Variants in CACNG2 observed in about 807,000 individuals in gnomAD.
CACNG2 encodes calcium voltage-gated channel auxiliary subunit gamma 2.
Under a neutral mutation model 25.9 loss-of-function variants are expected in CACNG2, and 3 were observed. The ratio of observed to expected loss-of-function variants is 0.12; its 90% confidence interval spans 0.05 to 0.30. The LOEUF (loss-of-function observed/expected upper bound fraction) is 0.30. CACNG2 is among the 10% of genes least tolerant of loss of function. The pLI is 1.00. For synonymous variants in CACNG2, 167 were observed against 173.3 expected (o/e 0.96, Z 0.29); for missense variants, 341 against 432.5 (o/e 0.79, Z 1.88).
chr22:36,654,308 C>A (rs1469922316), intron 1 of CACNG2, among the ~76,000 whole-genome samples: 1 of 152,022 alleles, frequency 6.6e-6, no homozygotes, highest in Non-Finnish European at 1.5e-5. Flanking sequence ...CACTCTCACC[C>A]CGGCTGGAGT....
Position 36,570,487 on chromosome 22 carries a change from C to T in CACNG2, c.296-3994G>A, listed in dbSNP as rs1045193386. 2.6e-5 allele frequency among the ~76,000 whole-genome samples: 4 copies of T among 152,256 alleles called. No homozygotes were observed. The East Asian group carries it at 7.7e-4, about 29-fold the overall frequency. On this transcript the variant is annotated intron_variant, in intron 2 of 3. Coordinates refer to ENST00000300105, the MANE Select transcript of CACNG2 (RefSeq NM_006078.5). ...CAGAAAGAAGGCAACAGGCCGGGCG[C>T]GGTGGCTCACGCCTGTAATCCCAGC...
At chr22:36,657,690 T>C (rs1936728337) in intron 1 of CACNG2, among the ~76,000 whole-genome samples, 1 of 152,156 alleles carries the variant, frequency 6.6e-6, no homozygotes, top group Admixed American at 6.5e-5. Flanking sequence ...CTAGAACTTT[T>C]TTTTTTTCTG....
chr22:36,585,808 C>T (rs1375084322), intron 2 of CACNG2, among the ~76,000 whole-genome samples: 2 of 152,220 alleles, frequency 1.3e-5, no homozygotes, highest in Non-Finnish European at 2.9e-5. Flanking sequence ...CCAAAATGAA[C>T]CAAATACTCT....
At chr22:36,622,676 G>A (rs1373574567) in intron 1 of CACNG2, among the ~76,000 whole-genome samples, 1 of 152,068 alleles carries the variant, frequency 6.6e-6, no homozygotes, top group East Asian at 1.9e-4. Flanking sequence ...CGTAAGACAA[G>A]GGCTGGGCGC....
intron 1 of CACNG2, among the ~76,000 whole-genome samples, chr22:36,661,340 G>A (rs574170529): frequency 2.2e-4 from 33 of 152,318 alleles, no homozygotes; most frequent in African/African-American, 6.5e-4. Flanking sequence ...TTCCTTAGTC[G>A]GAGATTACAC....
chr22:36,584,628 C>G (rs1935470897), intron 2 of CACNG2: 1 of 152,198 alleles, frequency 6.6e-6, no homozygotes, highest in African/African-American at 2.4e-5. Flanking sequence ...GTAAATATCT[C>G]TCGAGTGAAT....
At chr22:36,625,040 A>AAAAAAAAAAAAAAAAAAAAC (rs1936164737) in intron 1 of CACNG2, among the ~76,000 whole-genome samples, 1 of 150,492 alleles carries the variant, frequency 6.6e-6, no homozygotes, top group Admixed American at 6.6e-5. Context: ...AAAAAAAAAA[A>AAAAAAAAAAAAAAAAAAAAC]AAGAACCACA....
rs139732299 is a variant in CACNG2, at chr22:36,567,515, C to T, written c.296-1022G>A. ...CTAGATAAGGACTGACAAACAGGAC[C>T]GGAGAAGAAAAGAATATGGTAATGA... On this transcript the variant is annotated intron_variant, in intron 2 of 3. Transcript: ENST00000300105. Among the ~76,000 whole-genome samples, 152 of 150,958 alleles carry T rather than the reference C, an allele frequency of 1.0e-3. No homozygotes were observed. In the East Asian group the frequency reaches 0.025, roughly 25 times the overall value.
At chr22:36,628,377 T>G (rs1369852861) in intron 1 of CACNG2, among the ~76,000 whole-genome samples, 1 of 152,258 alleles carries the variant, frequency 6.6e-6, no homozygotes, top group Non-Finnish European at 1.5e-5. Context: ...GGAAGGAATG[T>G]TCATTTGAGT....
Position 36,564,733 on chromosome 22 carries a change from G to A in CACNG2, c.590C>T (p.Ala197Val), listed in dbSNP as rs866575214. Residue 197 changes from alanine to valine, a missense_variant, in exon 4 of 4, where the codon GCG becomes GTG. Around this residue, in one of 2 missense-constraint regions of CACNG2, gnomAD observed 169 missense variants for 254.4 expected, o/e 0.66. Coordinates refer to ENST00000300105, the MANE Select transcript of CACNG2 (RefSeq NM_006078.5). The surrounding 1 kb of genome is among the most constrained non-coding windows in gnomAD (Gnocchi z 6.7). ...FIIAEMVGVL[A>V]VHMFIDRHKQ... ...GTGCCGGTCGATAAACATGTGCACCGCCAGCACCCCGACCATCTCGGCGAT... is the reference window on the plus strand; with the variant it reads ...GTGCCGGTCGATAAACATGTGCACCACCAGCACCCCGACCATCTCGGCGAT... 6.2e-7 allele frequency: 1 copy of A among 1,614,186 alleles called. No individual in the cohort carries two copies. Among genetic ancestry groups the A allele is most frequent in the East Asian group, 2.2e-5 (1 of 44,880 alleles).
At chr22:36,629,240 ATATGTTCATT>A (rs1372704500) in intron 1 of CACNG2, among the ~76,000 whole-genome samples, 3 of 152,194 alleles carry the variant, frequency 2.0e-5, no homozygotes, top group Admixed American at 6.5e-5. Context: ...CTGGTGAAGA[ATATGTTCATT>A]CTTCCTTCAT....
At chr22:36,660,081 G>C (rs994863130) in intron 1 of CACNG2, among the ~76,000 whole-genome samples, 1 of 152,240 alleles carries the variant, frequency 6.6e-6, no homozygotes, top group African/African-American at 2.4e-5. Flanking sequence ...TCCCAGGTCA[G>C]CTCTCATTCC....
intron 1 of CACNG2, among the ~76,000 whole-genome samples, chr22:36,672,358 T>C (rs914293421): frequency 8.5e-5 from 13 of 152,124 alleles, no homozygotes; most frequent in African/African-American, 3.1e-4. Context: ...TGGTCTCACT[T>C]TGTTGCCCAG....
chr22:36,644,334 C>T (rs922209901), intron 1 of CACNG2, among the ~76,000 whole-genome samples: 2 of 152,218 alleles, frequency 1.3e-5, no homozygotes, highest in South Asian at 2.1e-4. Context: ...ATTAGCTTGA[C>T]GTCTTCCTGT....
At chr22:36,689,044 C>T (rs1421288521) in intron 1 of CACNG2, among the ~76,000 whole-genome samples, 3 of 152,130 alleles carry the variant, frequency 2.0e-5, no homozygotes, top group African/African-American at 4.8e-5. Context: ...TCTTATTCGT[C>T]CTGCAGAACC....
intron 1 of CACNG2, among the ~76,000 whole-genome samples, chr22:36,608,007 C>T (rs1935870592): frequency 6.6e-6 from 1 of 152,188 alleles, no homozygotes; most frequent in Non-Finnish European, 1.5e-5. Flanking sequence ...GTAAGCATCT[C>T]CAACTTTGCA....
chr22:36,687,555 G>C (rs1188256071), intron 1 of CACNG2, among the ~76,000 whole-genome samples: 3 of 152,216 alleles, frequency 2.0e-5, no homozygotes, highest in South Asian at 4.1e-4. Context: ...TCTTTGGGTA[G>C]ACATTCCCTG....
chr22:36,643,758 G>T (rs184021997), intron 1 of CACNG2, among the ~76,000 whole-genome samples: 70 of 152,194 alleles, frequency 4.6e-4, no homozygotes, highest in African/African-American at 1.5e-3. Context: ...GTTCAAGAAG[G>T]GGCATCACCA....
chr22:36,700,696 G>C (rs961358860), intron 1 of CACNG2, among the ~76,000 whole-genome samples: 1 of 152,140 alleles, frequency 6.6e-6, no homozygotes, highest in Non-Finnish European at 1.5e-5. Flanking sequence ...TAAGGAGGGG[G>C]CGTGTGTGTG....
Sources: allele counts gnomAD v4.1 joint callset (sites outside exome capture counted in the v4.1 genomes callset), GRCh38; gene constraint gnomAD v4.1.1; regional missense constraint gnomAD v4.1.1; non-coding constraint Gnocchi (gnomAD v3.1); transcripts MANE v1.5; gene names NCBI Gene and HGNC (gene_info 2026-07-23, HGNC 2026-07-21).